Variants in CHST11 observed in about 807,000 individuals in gnomAD.
The protein encoded by CHST11 is carbohydrate sulfotransferase 11.
In CHST11, 9 loss-of-function variants were observed where a neutral mutation model predicts 30.4. The ratio of observed to expected loss-of-function variants is 0.30; its 90% confidence interval spans 0.18 to 0.52. CHST11 has a LOEUF of 0.52. Ranked by LOEUF, CHST11 falls within the 20% of genes least tolerant of loss-of-function variation. The probability of loss-of-function intolerance (pLI) is 0.97; values close to 1 mark genes in which losing one functional copy is unlikely to be tolerated. For synonymous variants in CHST11, 152 were observed against 187.8 expected (o/e 0.81, Z 1.56); for missense variants, 348 against 460.6 (o/e 0.76, Z 2.24).
intron 2 of CHST11, among the ~76,000 whole-genome samples, chr12:104,653,527 C>T (rs1480161531): frequency 6.6e-6 from 1 of 152,092 alleles, no homozygotes; most frequent in Non-Finnish European, 1.5e-5. Context: ...TGAGTGAATC[C>T]GAGTACCTGA....
intron 1 of CHST11, among the ~76,000 whole-genome samples, chr12:104,494,432 C>A (rs1052607839): frequency 6.6e-6 from 1 of 152,230 alleles, no homozygotes; most frequent in African/African-American, 2.4e-5. Flanking sequence ...AAATGAAAAA[C>A]AGGGTCTCCA....
intron 1 of CHST11, among the ~76,000 whole-genome samples, chr12:104,526,731 G>T (rs1410941328): frequency 6.6e-6 from 1 of 152,188 alleles, no homozygotes; most frequent in Non-Finnish European, 1.5e-5. Context: ...TTTAGCTTCT[G>T]GGGGTTCCGA....
At chr12:104,572,992 A>G (rs1214887497) in intron 1 of CHST11, among the ~76,000 whole-genome samples, 11 of 152,240 alleles carry the variant, frequency 7.2e-5, no homozygotes. Flanking sequence ...AATCTCCTTA[A>G]GCTGATAGGC....
intron 2 of CHST11, among the ~76,000 whole-genome samples, chr12:104,697,172 G>A (rs896712836): frequency 6.6e-6 from 1 of 152,192 alleles, no homozygotes; most frequent in Non-Finnish European, 1.5e-5. Context: ...TGGGGACCCC[G>A]ATTTCCCTGG....
chr12:104,759,987 A>G lies in CHST11; in HGVS notation c.*2184A>G, dbSNP rs1312794829. ...GCATCAGGTTGGTGTGATGCAGACT[A>G]AGGGTTTTGTGGTCAAATATCCTTA... On this transcript the variant is annotated 3_prime_UTR_variant, in exon 3 of 3. Coordinates refer to ENST00000303694, the MANE Select transcript of CHST11 (RefSeq NM_018413.6). 6.6e-6 allele frequency: 1 copy of G among 152,238 alleles called. No individual in the cohort carries two copies. Among genetic ancestry groups the G allele is most frequent in the Admixed American group, 6.5e-5 (1 of 15,288 alleles). The allele number at this position is 152,238 out of a possible 1,614,324, so 9.4% of individuals were successfully genotyped here.
chr12:104,476,966 A>C (rs2037568806), intron 1 of CHST11, among the ~76,000 whole-genome samples: 1 of 152,094 alleles, frequency 6.6e-6, no homozygotes, highest in South Asian at 2.1e-4. Context: ...GAATGAGCCA[A>C]GGAAGGTAAG....
At chr12:104,468,827 A>T (rs1261965261) in intron 1 of CHST11, among the ~76,000 whole-genome samples, 1 of 152,198 alleles carries the variant, frequency 6.6e-6, no homozygotes, top group Non-Finnish European at 1.5e-5. Context: ...AAGTGAAGGT[A>T]GTAATGTTAC....
chr12:104,596,903 C>T (rs1200856306), intron 1 of CHST11, among the ~76,000 whole-genome samples: 4 of 152,290 alleles, frequency 2.6e-5, no homozygotes, highest in Non-Finnish European at 4.4e-5. Context: ...GGCCTATACT[C>T]GAATCCCTTG....
intron 2 of CHST11, among the ~76,000 whole-genome samples, chr12:104,651,601 C>T (rs1184114474): frequency 5.3e-5 from 8 of 152,200 alleles, no homozygotes; most frequent in African/African-American, 1.9e-4. Context: ...GGCCTTGACC[C>T]CTGGTCACTC....
At chr12:104,706,253 G>A (rs550116279) in intron 2 of CHST11, among the ~76,000 whole-genome samples, 13 of 145,990 alleles carry the variant, frequency 8.9e-5, no homozygotes, top group East Asian at 2.1e-4. Context: ...GTGTGGTAGC[G>A]CATGCCTGTA....
chr12:104,750,733 C>T (rs1387810909), intron 2 of CHST11, among the ~76,000 whole-genome samples: 1 of 151,874 alleles, frequency 6.6e-6, no homozygotes, highest in Non-Finnish European at 1.5e-5. Context: ...TGTGAGCCAC[C>T]GTGCCTGGCT....
In CHST11 at chr12:104,558,230, C is replaced by T. The variant is rs12314189; in HGVS notation, c.119-43676C>T. 4.7e-3 allele frequency among the ~76,000 whole-genome samples: 717 copies of T among 152,222 alleles called. 6 individuals carry two copies. Among genetic ancestry groups the T allele is most frequent in the African/African-American group, 0.016 (665 of 41,510 alleles). Reference sequence around the variant, plus strand: ...GCTGGTGGGCATGCCAGGGCCAGAGCGGGACCTGTCGAAGCCTTCGCACCT... The same window carrying T: ...GCTGGTGGGCATGCCAGGGCCAGAGTGGGACCTGTCGAAGCCTTCGCACCT... On this transcript the variant is annotated intron_variant, in intron 1 of 2. Transcript: ENST00000303694.
chr12:104,714,690 T>C (rs1178620708), intron 2 of CHST11, among the ~76,000 whole-genome samples: 1 of 152,126 alleles, frequency 6.6e-6, no homozygotes, highest in Non-Finnish European at 1.5e-5. Context: ...TTCGTGGTGA[T>C]GAGCACAGCA....
intron 2 of CHST11, among the ~76,000 whole-genome samples, chr12:104,665,348 G>A (rs2039632384): frequency 6.6e-6 from 1 of 152,184 alleles, no homozygotes; most frequent in Non-Finnish European, 1.5e-5. Context: ...CAGCATGGAA[G>A]AAAAGAAGAG....
At chr12:104,558,463 T>C (rs2038479603) in intron 1 of CHST11, among the ~76,000 whole-genome samples, 1 of 151,770 alleles carries the variant, frequency 6.6e-6, no homozygotes. Flanking sequence ...TTCTGTACCC[T>C]CTCCGCCCCT....
At chr12:104,711,565 G>A (rs990655765) in intron 2 of CHST11, among the ~76,000 whole-genome samples, 80 of 152,028 alleles carry the variant, frequency 5.3e-4, no homozygotes, top group African/African-American at 1.8e-3. Context: ...CCAAAGTGGG[G>A]GATGGCAGGA....
At chr12:104,485,442 G>A (rs1260700042) in intron 1 of CHST11, among the ~76,000 whole-genome samples, 2 of 152,216 alleles carry the variant, frequency 1.3e-5, no homozygotes, top group East Asian at 3.8e-4. Flanking sequence ...CAGCTGCAGG[G>A]AGCGGGGCTC....
At chr12:104,695,834 C>T (rs968738032) in intron 2 of CHST11, among the ~76,000 whole-genome samples, 1 of 152,176 alleles carries the variant, frequency 6.6e-6, no homozygotes, top group African/African-American at 2.4e-5. Context: ...GGACGTGACG[C>T]TTCACCGTGA....
chr12:104,484,488 A>G (rs952997442), intron 1 of CHST11, among the ~76,000 whole-genome samples: 1 of 152,220 alleles, frequency 6.6e-6, no homozygotes, highest in African/African-American at 2.4e-5. Context: ...CACCTGAGAT[A>G]TGGAGGTGAC....
Sources: gnomAD v4.1 joint callset for allele counts (sites outside exome capture counted in the v4.1 genomes callset) on GRCh38, gnomAD v4.1.1 for gene constraint, MANE v1.5 for transcripts, NCBI Gene and HGNC (gene_info 2026-07-23, HGNC 2026-07-21) for gene names.